The following CAMKMT variants were observed in gnomAD, a reference collection of about 807,000 sequenced individuals.
The protein encoded by CAMKMT is CaM KMT.
A neutral mutation model predicts 48.0 loss-of-function variants in CAMKMT; 53 were observed. The ratio of observed to expected loss-of-function variants is 1.10; its 90% CI spans 0.89 to 1.39. CAMKMT has a LOEUF of 1.39. Ranked by LOEUF, CAMKMT falls within the 40% of genes most tolerant of loss-of-function variation. The probability of loss-of-function intolerance (pLI) is 0.00; values close to 1 mark genes in which losing one functional copy is unlikely to be tolerated. For missense variants in CAMKMT, 428 were observed against 402.7 expected (o/e 1.06, Z -0.54); for synonymous variants, 165 against 152.3 (o/e 1.08, Z -0.61).
chr2:44,652,229 G>A (rs1233788747), intron 3 of CAMKMT, among the ~76,000 whole-genome samples: 1 of 152,154 alleles, frequency 6.6e-6, no homozygotes, highest in Non-Finnish European at 1.5e-5. Context: ...GGATTTAATG[G>A]CAGGTGATCA....
At chr2:44,566,962 T>C (rs1403515224) in intron 3 of CAMKMT, among the ~76,000 whole-genome samples, 1 of 152,092 alleles carries the variant, frequency 6.6e-6, no homozygotes, top group African/African-American at 2.4e-5. Flanking sequence ...TAAACAGTCG[T>C]AGTAGTAGTA....
At chr2:44,702,021 A>AT (rs1166253961) in intron 3 of CAMKMT, among the ~76,000 whole-genome samples, 1 of 152,066 alleles carries the variant, frequency 6.6e-6, no homozygotes, top group Non-Finnish European at 1.5e-5. Flanking sequence ...ATCAGCCTCT[A>AT]TAATTTTTTG....
At chr2:44,731,186 C>T (rs1463461830) in intron 7 of CAMKMT, among the ~76,000 whole-genome samples, 1 of 152,112 alleles carries the variant, frequency 6.6e-6, no homozygotes, top group Non-Finnish European at 1.5e-5. Context: ...ACTATAAGTA[C>T]AAAAATTAGC....
chr2:44,479,206 C>G (rs949089490), intron 3 of CAMKMT, among the ~76,000 whole-genome samples: 3 of 152,158 alleles, frequency 2.0e-5, no homozygotes, highest in African/African-American at 7.2e-5. Context: ...AAAGATGGGA[C>G]TAATTATGGT....
At chr2:44,366,346 G>A (rs1196112439) in intron 1 of CAMKMT, among the ~76,000 whole-genome samples, 2 of 152,218 alleles carry the variant, frequency 1.3e-5, no homozygotes, top group African/African-American at 2.4e-5. Flanking sequence ...CTACTACCAC[G>A]TACTGGATGC....
At chr2:44,723,376 A>C (rs1313111601) in intron 7 of CAMKMT, among the ~76,000 whole-genome samples, 1 of 152,008 alleles carries the variant, frequency 6.6e-6, no homozygotes, top group Non-Finnish European at 1.5e-5. Flanking sequence ...GTGGATCACG[A>C]AGTTGGGAGT....
chr2:44,484,975 C>A (rs551686843), intron 3 of CAMKMT, among the ~76,000 whole-genome samples: 1 of 151,996 alleles, frequency 6.6e-6, no homozygotes, highest in Non-Finnish European at 1.5e-5. Context: ...GATACTAAAC[C>A]GAAATAGTCA....
intron 7 of CAMKMT, among the ~76,000 whole-genome samples, chr2:44,720,479 A>G (rs1427747142): frequency 1.3e-5 from 2 of 152,214 alleles, no homozygotes; most frequent in East Asian, 3.8e-4. Flanking sequence ...TTACATATCA[A>G]TAAAAATATT....
intron 3 of CAMKMT, among the ~76,000 whole-genome samples, chr2:44,572,604 C>T (rs932527332): frequency 4.6e-5 from 7 of 152,274 alleles, no homozygotes; most frequent in Admixed American, 3.3e-4. Context: ...CAGGTGTACA[C>T]ATGTCTGTTG....
intron 3 of CAMKMT, among the ~76,000 whole-genome samples, chr2:44,621,987 T>G (rs1672221659): frequency 6.6e-6 from 1 of 152,138 alleles, no homozygotes; most frequent in Non-Finnish European, 1.5e-5. Context: ...AGGTGATGGA[T>G]TAGATGTGAG....
chr2:44,427,716 C>T (rs779557043), intron 3 of CAMKMT, among the ~76,000 whole-genome samples: 2 of 152,044 alleles, frequency 1.3e-5, no homozygotes, highest in African/African-American at 2.4e-5. Context: ...ACATGGAGCC[C>T]AAGAGGCCAA....
At chr2:44,668,352 C>T (rs1675125463) in intron 3 of CAMKMT, among the ~76,000 whole-genome samples, 1 of 152,076 alleles carries the variant, frequency 6.6e-6, no homozygotes, top group Non-Finnish European at 1.5e-5. Context: ...TGCTTCAGAC[C>T]CCAGCTCTCC....
chr2:44,658,988 A>G (rs72867790), intron 3 of CAMKMT, among the ~76,000 whole-genome samples: 2 of 149,944 alleles, frequency 1.3e-5, no homozygotes, highest in South Asian at 2.1e-4. Context: ...TTACTGCTAA[A>G]TTTTGGTCTT....
At chr2:44,488,859 G>T (rs953504930) in intron 3 of CAMKMT, among the ~76,000 whole-genome samples, 2 of 145,992 alleles carry the variant, frequency 1.4e-5, no homozygotes, top group African/African-American at 4.9e-5. Flanking sequence ...GTGTGTGTGT[G>T]TGTGTGTGTG....
At chr2:44,465,106 GAT>G (rs1421172446) in intron 3 of CAMKMT, among the ~76,000 whole-genome samples, 4 of 152,032 alleles carry the variant, frequency 2.6e-5, no homozygotes, top group East Asian at 1.9e-4. Flanking sequence ...AATATAAAAA[GAT>G]ACGTAATTTG....
At chr2:44,761,130 A>G (rs1244899412) in intron 9 of CAMKMT, among the ~76,000 whole-genome samples, 1 of 152,182 alleles carries the variant, frequency 6.6e-6, no homozygotes, top group South Asian at 2.1e-4. Flanking sequence ...GAGGAGGCAC[A>G]GTAGGGAGGC....
chr2:44,494,190 C>T (rs1041528133), intron 3 of CAMKMT, among the ~76,000 whole-genome samples: 1 of 152,180 alleles, frequency 6.6e-6, no homozygotes, highest in South Asian at 2.1e-4. Context: ...CAGAAACCCT[C>T]GCTCAAAACA....
rs539681286 is a variant in CAMKMT, at chr2:44,527,938, C to G, written c.376+137633C>G. ...TGAGTTTTGACAAATGTATAAATGACATGTATTTGCCATGACTGTATCATA... is the reference window on the plus strand; with the variant it reads ...TGAGTTTTGACAAATGTATAAATGAGATGTATTTGCCATGACTGTATCATA... On this transcript the variant is annotated intron_variant, in intron 3 of 10. Coordinates refer to ENST00000378494, the MANE Select transcript of CAMKMT (RefSeq NM_024766.5). Among the ~76,000 whole-genome samples, 3 of 151,820 alleles carry G rather than the reference C, an allele frequency of 2.0e-5. No homozygotes were observed. In the South Asian group the frequency reaches 6.2e-4, roughly 31 times the overall value.
chr2:44,611,622 C>T (rs1054424118), intron 3 of CAMKMT, among the ~76,000 whole-genome samples: 1 of 152,036 alleles, frequency 6.6e-6, no homozygotes, highest in East Asian at 1.9e-4. Context: ...TTCTTCAGCC[C>T]TTTAAGCATG....
Sources: gnomAD v4.1 joint callset for allele counts (sites outside exome capture counted in the v4.1 genomes callset) on GRCh38, gnomAD v4.1.1 for gene constraint, MANE v1.5 for transcripts, NCBI Gene and HGNC (gene_info 2026-07-23, HGNC 2026-07-21) for gene names.